Variants in TCF4 observed in about 807,000 individuals in gnomAD.
TCF4 encodes the protein transcription factor 4, also known as SL3-3 enhancer factor 2.
TCF4 carries 3 observed loss-of-function variants against 82.1 expected under a neutral mutation model. That is an observed-to-expected ratio of 0.04 (90% CI 0.02 to 0.09). TCF4 has a LOEUF of 0.09. Among genes scored for constraint, TCF4 ranks in the 10% least tolerant of loss-of-function variants. The pLI, the probability that TCF4 is intolerant of heterozygous loss-of-function variation, is 1.00. For missense variants in TCF4, 518 were observed against 852.7 expected (o/e 0.61, Z 4.89); for synonymous variants, 276 against 309.6 (o/e 0.89, Z 1.14).
At chr18:55,528,021 G>C (rs1415492010) in intron 3 of TCF4, among the ~76,000 whole-genome samples, 1 of 152,082 alleles carries the variant, frequency 6.6e-6, no homozygotes, top group Non-Finnish European at 1.5e-5. Context: ...CTCTTTTGTT[G>C]AATCTTTAGA....
chr18:55,401,588 T>TG, intron 6 of TCF4: 7 of 987,470 alleles, frequency 7.1e-6, no homozygotes, highest in Non-Finnish European at 7.2e-6. Flanking sequence ...ACCTTGTGTT[T>TG]GGAAAAAAAA....
intron 15 of TCF4, among the ~76,000 whole-genome samples, chr18:55,242,074 G>A (rs1049888210): frequency 6.6e-6 from 1 of 152,090 alleles, no homozygotes; most frequent in South Asian, 2.1e-4. Flanking sequence ...CTGTCTGCTG[G>A]GCTAGTTTTT....
chr18:55,277,055 T>A (rs948417488), intron 9 of TCF4, among the ~76,000 whole-genome samples: 2 of 152,174 alleles, frequency 1.3e-5, no homozygotes, highest in African/African-American at 4.8e-5. Context: ...GTAGTGAGTT[T>A]ACAATATGCC....
At chr18:55,577,607 T>C (rs974423500) in intron 3 of TCF4, among the ~76,000 whole-genome samples, 2 of 152,102 alleles carry the variant, frequency 1.3e-5, no homozygotes, top group African/African-American at 4.8e-5. Flanking sequence ...CCTGCATAGA[T>C]GCTAGGTCTT....
intron 3 of TCF4, among the ~76,000 whole-genome samples, chr18:55,549,380 GCTT>G (rs1263326973): frequency 6.6e-6 from 1 of 151,214 alleles, no homozygotes; most frequent in Non-Finnish European, 1.5e-5. Flanking sequence ...TACCTTATAA[GCTT>G]CTTAACTCTT....
chr18:55,453,876 T>C (rs2095677652), intron 5 of TCF4, among the ~76,000 whole-genome samples: 1 of 151,418 alleles, frequency 6.6e-6, no homozygotes, highest in South Asian at 2.1e-4. Context: ...TTATTAGCAA[T>C]GGGGTCTCTC....
rs574438546 is a variant in TCF4, at chr18:55,463,017, A to G, written c.207+1059T>C. ...GATTACCTTCCCTGCCTCTTATGCC[A>G]AAATGGAACCTTCCCCCAACCCAAA... On this transcript the variant is annotated intron_variant, in intron 4 of 19. Coordinates refer to ENST00000354452, the MANE Select transcript of TCF4 (RefSeq NM_001083962.2). 4.6e-5 allele frequency among the ~76,000 whole-genome samples: 7 copies of G among 152,308 alleles called. No individual in the cohort carries two copies. The South Asian group carries it at 1.5e-3, about 32-fold the overall frequency.
intron 15 of TCF4, among the ~76,000 whole-genome samples, chr18:55,252,321 C>T (rs2055444748): frequency 6.6e-6 from 1 of 151,700 alleles, no homozygotes; most frequent in Admixed American, 6.6e-5. Flanking sequence ...AAAACAGGAA[C>T]TTATCCTTAT....
intron 3 of TCF4, among the ~76,000 whole-genome samples, chr18:55,532,178 AG>A (rs2097071062): frequency 6.6e-6 from 1 of 152,362 alleles, no homozygotes; most frequent in African/African-American, 2.4e-5. Context: ...ATTTTCAAAA[AG>A]GAATCACCTA....
At chr18:55,385,370 C>T (rs956998240) in intron 6 of TCF4, among the ~76,000 whole-genome samples, 10 of 152,174 alleles carry the variant, frequency 6.6e-5, no homozygotes, top group Admixed American at 2.0e-4. Flanking sequence ...AATCTGCCTG[C>T]CATACCCAAA....
intron 2 of TCF4, among the ~76,000 whole-genome samples, chr18:55,603,488 C>T (rs2097699315): frequency 6.6e-6 from 1 of 152,120 alleles, no homozygotes; most frequent in African/African-American, 2.4e-5. Flanking sequence ...ATTTATTGAG[C>T]TCATTCTATT....
At chr18:55,583,918 A>T (rs554510731) in intron 3 of TCF4, among the ~76,000 whole-genome samples, 1 of 152,272 alleles carries the variant, frequency 6.6e-6, no homozygotes, top group South Asian at 2.1e-4. Context: ...TACTAATATA[A>T]AAACTATCCC....
chr18:55,589,222 A>G (rs2097678427), upstream of TCF4: 1 of 1,025,568 alleles, frequency 9.8e-7, no homozygotes, highest in Admixed American at 5.5e-5. Context: ...TGTTTTAATA[A>G]AACATCGGGA....
At chr18:55,369,945 G>A (rs2088481275) in intron 6 of TCF4, among the ~76,000 whole-genome samples, 1 of 151,956 alleles carries the variant, frequency 6.6e-6, no homozygotes, top group African/African-American at 2.4e-5. Context: ...GTTTGAAAAT[G>A]CATTCTGCAA....
intron 3 of TCF4, chr18:55,496,367 G>A (rs2096635712): frequency 6.7e-6 from 1 of 150,250 alleles, no homozygotes; most frequent in Non-Finnish European, 1.5e-5. Context: ...TCTGTTCATT[G>A]CATATTCAAT....
chr18:55,634,481 A>C (rs1213392933), intron 1 of TCF4, among the ~76,000 whole-genome samples: 1 of 152,030 alleles, frequency 6.6e-6, no homozygotes, highest in Non-Finnish European at 1.5e-5. Context: ...TTAAAACCAA[A>C]TCTGTCTGAT....
chr18:55,257,841 A>G (rs1339244435), intron 13 of TCF4, among the ~76,000 whole-genome samples: 1 of 152,216 alleles, frequency 6.6e-6, no homozygotes, highest in Non-Finnish European at 1.5e-5. Flanking sequence ...ATAAATCTTG[A>G]AAAACTTTTT....
chr18:55,434,278 T>C (rs1263326462), intron 5 of TCF4, among the ~76,000 whole-genome samples: 4 of 152,230 alleles, frequency 2.6e-5, no homozygotes, highest in Non-Finnish European at 5.9e-5. Context: ...AAATGTCTAC[T>C]TCAATCACTA....
At chr18:55,403,986 A>C in intron 5 of TCF4, 1 of 1,253,382 alleles carries the variant, frequency 8.0e-7, no homozygotes, top group Non-Finnish European at 1.0e-6. Flanking sequence ...ACTATTCAAA[A>C]TTCTGAGTCT....
Sources: allele counts gnomAD v4.1 joint callset (sites outside exome capture counted in the v4.1 genomes callset), GRCh38; gene constraint gnomAD v4.1.1; transcripts MANE v1.5; gene names NCBI Gene and HGNC (gene_info 2026-07-23, HGNC 2026-07-21).